The following SLMAP variants were observed in gnomAD, a reference collection of about 807,000 sequenced individuals.
SLMAP encodes sarcolemmal membrane-associated protein.
In SLMAP, 44 loss-of-function variants were observed where a neutral mutation model predicts 128.8. That is an observed-to-expected ratio of 0.34 (90% CI 0.27 to 0.44). SLMAP has a LOEUF of 0.44. SLMAP is among the 20% of genes least tolerant of loss of function. SLMAP has a pLI of 1.00. For missense variants in SLMAP, 787 were observed against 985.3 expected, an observed-to-expected ratio of 0.80 and a Z score of 2.69; for synonymous variants, 327 against 348.8, an observed-to-expected ratio of 0.94 and a Z score of 0.70.
rs747170371 is a variant in SLMAP, at chr3:57,757,780, T to C, written c.129T>C (p.Asn43=). 1.2e-6 allele frequency: 2 copies of C among 1,614,100 alleles called. No individual in the cohort carries two copies. The highest frequency in any genetic ancestry group is 2.7e-5 in the African/African-American group (2 of 74,930). Residue 43 remains asparagine, a synonymous_variant, in exon 2 of 25, where the codon AAT becomes AAC. Coordinates refer to ENST00000671191, the MANE Select transcript of SLMAP (RefSeq NM_001377540.1). ...CCCGCTGTCGACCAGCGCAGAATAA[T>C]GCCACTTTTGATTGCAAAGTGCTAT... ...SVARCRPAQN[N]ATFDCKVLSR... is the part of the protein sequence containing the mutation.
chr3:57,857,672 T>A (rs1460567434), intron 6 of SLMAP, 61 bp from the exon 7 acceptor site: 2 of 1,068,842 alleles, frequency 1.9e-6, no homozygotes, highest in Non-Finnish European at 2.9e-6. Context: ...TGAAAATTGA[T>A]CACTCCTCAA....
At chr3:57,780,415 G>T (rs1365707628) in intron 2 of SLMAP, among the ~76,000 whole-genome samples, 1 of 152,064 alleles carries the variant, frequency 6.6e-6, no homozygotes, top group Admixed American at 6.6e-5. Context: ...AAAGTGCCAG[G>T]TTTACAGGCA....
chr3:57,873,520 TA>T (rs1319926209), intron 14 of SLMAP, among the ~76,000 whole-genome samples: 2 of 151,908 alleles, frequency 1.3e-5, no homozygotes, highest in Non-Finnish European at 2.9e-5. Flanking sequence ...AATTAAAAAG[TA>T]AAAAAATAAA....
intron 15 of SLMAP, 127 bp downstream of exon 15, chr3:57,890,227 T>A: frequency 1.3e-6 from 1 of 744,618 alleles, no homozygotes; most frequent in Non-Finnish European, 2.2e-6. Flanking sequence ...AGCAAGCCAG[T>A]AACAGTATCA....
intron 14 of SLMAP, among the ~76,000 whole-genome samples, chr3:57,882,858 A>G (rs753500511): frequency 1.3e-5 from 2 of 152,060 alleles, no homozygotes; most frequent in African/African-American, 4.8e-5. Flanking sequence ...TAGATCTTCA[A>G]CATACTAGAG....
chr3:57,912,899 AT>A (rs1244465570), intron 20 of SLMAP, among the ~76,000 whole-genome samples, 198 bp downstream of exon 20: 1 of 152,084 alleles, frequency 6.6e-6, no homozygotes, highest in African/African-American at 2.4e-5. Flanking sequence ...ACGGTTTTAT[AT>A]TTTATTTTAA....
At chr3:57,860,477 C>CT (rs902974408) in intron 8 of SLMAP, among the ~76,000 whole-genome samples, 12 of 151,470 alleles carry the variant, frequency 7.9e-5, no homozygotes, top group South Asian at 4.2e-4. Context: ...TTGCCTATAA[C>CT]TTTTTTTTTC....
At chr3:57,849,061 G>T (rs574687611) in intron 5 of SLMAP, among the ~76,000 whole-genome samples, 81 of 151,244 alleles carry the variant, frequency 5.4e-4, no homozygotes, top group Middle Eastern at 3.4e-3. Context: ...AGGCTGAAGT[G>T]CAGTAGCGTG....
intron 2 of SLMAP, among the ~76,000 whole-genome samples, chr3:57,815,059 T>C (rs1195796143): frequency 1.3e-5 from 2 of 152,202 alleles, no homozygotes; most frequent in Admixed American, 1.3e-4. Context: ...ACTGGTTTCA[T>C]GGAAAACAGT....
intron 2 of SLMAP, among the ~76,000 whole-genome samples, chr3:57,792,432 ACTGT>A (rs944688957): frequency 6.6e-6 from 1 of 151,732 alleles, no homozygotes; most frequent in Non-Finnish European, 1.5e-5. Context: ...AAGTTAGGGG[ACTGT>A]CTTATTTGCT....
At chr3:57,884,637 G>A (rs1319006195) in intron 14 of SLMAP, among the ~76,000 whole-genome samples, 4 of 151,990 alleles carry the variant, frequency 2.6e-5, no homozygotes, top group Admixed American at 6.6e-5. Flanking sequence ...GCGAAACCAC[G>A]TCTCTACAAA....
intron 2 of SLMAP, among the ~76,000 whole-genome samples, chr3:57,827,539 G>A (rs1269864548): frequency 6.6e-6 from 1 of 152,200 alleles, no homozygotes; most frequent in Non-Finnish European, 1.5e-5. Context: ...TTCAGGGAAA[G>A]CAAGGAGTTG....
At chr3:57,833,790 TA>T (rs532172231) in intron 3 of SLMAP, among the ~76,000 whole-genome samples, 2,952 of 145,614 alleles carry the variant, frequency 0.02, 72 homozygotes, top group African/African-American at 0.063. Flanking sequence ...AGATTAGATT[TA>T]AAAAAAAAAA....
At chr3:57,824,459 A>G (rs1406821382) in intron 2 of SLMAP, among the ~76,000 whole-genome samples, 1 of 152,152 alleles carries the variant, frequency 6.6e-6, no homozygotes. Context: ...CAGGGGTCCA[A>G]CTTTACTTTT....
At chr3:57,788,713 G>A (rs1042967495) in intron 2 of SLMAP, among the ~76,000 whole-genome samples, 4 of 152,190 alleles carry the variant, frequency 2.6e-5, no homozygotes, top group Non-Finnish European at 4.4e-5. Context: ...GTTGTGAATA[G>A]CCCTCAAATG....
chr3:57,929,343 C>T lies in SLMAP; in HGVS notation c.*2054C>T, dbSNP rs1390382994. ...CAAGTTTTATTAACCTTTTATTTAA[C>T]TTACTGCTTTATTTTTTTCTCTTTT... On this transcript the variant is annotated 3_prime_UTR_variant, in exon 25 of 25. Transcript: ENST00000671191. 2.6e-5 allele frequency among the ~76,000 whole-genome samples: 4 copies of T among 152,148 alleles called. No homozygotes were observed. The highest frequency in any genetic ancestry group is 5.9e-5 in the Non-Finnish European group (4 of 68,012).
rs547342227 is a variant in SLMAP at position 57,823,669 on chromosome 3, G to A, written c.199-7714G>A. Among the ~76,000 whole-genome samples the A allele has an allele frequency of 3.7e-3, 561 of 152,170 alleles. 2 individuals are homozygous for A. The highest frequency in any genetic ancestry group is 0.013 in the African/African-American group (538 of 41,494). On this transcript the variant is annotated intron_variant, in intron 2 of 24. Coordinates refer to ENST00000671191, the MANE Select transcript of SLMAP (RefSeq NM_001377540.1). Reference sequence around the variant, plus strand: ...AGTCTTTGCTATTGTGAATAGTGCCGCAGTAAACATACGTGTGCATGTGTC... The same window carrying A: ...AGTCTTTGCTATTGTGAATAGTGCCACAGTAAACATACGTGTGCATGTGTC...
chr3:57,857,743 A>G lies in SLMAP; in HGVS notation c.530A>G (p.His177Arg). 1 of 1,612,688 alleles carries G rather than the reference A, an allele frequency of 6.2e-7. No individual in the cohort carries two copies. Among genetic ancestry groups the G allele is most frequent in the East Asian group, 2.2e-5 (1 of 44,852 alleles). Residue 177 changes from histidine (H) to arginine (R), a missense_variant, in exon 7 of 25, where the codon CAT (histidine) becomes CGT (arginine). Physicochemically the swap from His to Arg is conservative, Grantham distance 29 (BLOSUM62 0). Around this residue, in one of 2 missense-constraint regions of SLMAP, gnomAD observed 715 missense variants for 843.6 expected, o/e 0.85. Transcript: ENST00000671191. ...GATTTGTAATACTAGGAGGCCTTAC[A>G]TCGGGAACAAATGTTGGAACAGAAG... ...QLSQYLQEALHREQMLEQKLA... is the reference protein window; with the variant it reads ...QLSQYLQEALRREQMLEQKLA...
intron 22 of SLMAP, among the ~76,000 whole-genome samples, chr3:57,921,754 A>G (rs1576462942): frequency 6.6e-6 from 1 of 152,276 alleles, no homozygotes; most frequent in East Asian, 1.9e-4. Context: ...TGCCTAGGCT[A>G]GAGTGCAGTG....
Sources: gnomAD v4.1 joint callset for allele counts (sites outside exome capture counted in the v4.1 genomes callset) on GRCh38, gnomAD v4.1.1 for gene constraint, gnomAD v4.1.1 regional missense constraint, MANE v1.5 for transcripts, NCBI Gene and HGNC (gene_info 2026-07-23, HGNC 2026-07-21) for gene names.